Variants in PCDHA2 observed in about 807,000 individuals in gnomAD.
PCDHA2 encodes protocadherin alpha 2, also known as protocadherin alpha-2.
PCDHA2 carries 58 observed loss-of-function variants against 66.0 expected under a neutral mutation model. The observed-to-expected ratio is 0.88, with a 90% CI of 0.71 to 1.09. The LOEUF (loss-of-function observed/expected upper bound fraction) is 1.09, where lower values mean the gene tolerates loss of function less well. Ranked by LOEUF, PCDHA2 falls within the 50% of genes least tolerant of loss-of-function variation. The probability of loss-of-function intolerance (pLI) is 0.00; values close to 1 mark genes in which losing one functional copy is unlikely to be tolerated. For missense variants in PCDHA2, 1,267 were observed against 1,242.3 expected (o/e 1.02, Z -0.30); for synonymous variants, 634 against 554.0 (o/e 1.14, Z -2.03).
intron 1 of PCDHA2, chr5:140,869,202 C>T (rs2050919461): frequency 3.1e-6 from 5 of 1,613,890 alleles, no homozygotes; most frequent in African/African-American, 2.7e-5. Flanking sequence ...AGCTCCACTA[C>T]TCCGTCTCGG....
At chr5:140,903,302 T>C (rs1299735621) in intron 1 of PCDHA2, among the ~76,000 whole-genome samples, 2 of 152,136 alleles carry the variant, frequency 1.3e-5, no homozygotes, top group Admixed American at 6.5e-5. Flanking sequence ...AAATTTAGTA[T>C]ACAATAAAGA....
At chr5:140,812,188 A>G (rs1284856498) in intron 1 of PCDHA2, 2 of 132,336 alleles carry the variant, frequency 1.5e-5, no homozygotes, top group African/African-American at 6.0e-5. Context: ...TACTGATTCA[A>G]TCTCCTTACT....
At chr5:140,900,439 G>A (rs1348507716) in intron 1 of PCDHA2, among the ~76,000 whole-genome samples, 1 of 152,242 alleles carries the variant, frequency 6.6e-6, no homozygotes, top group East Asian at 1.9e-4. Context: ...CACCACGGCC[G>A]GCTAATTTTT....
intron 1 of PCDHA2, chr5:140,869,142 A>G: frequency 6.2e-7 from 1 of 1,613,402 alleles, no homozygotes; most frequent in Non-Finnish European, 8.5e-7. Context: ...GCACCCCACG[A>G]CTACAGCTCT....
At chr5:140,823,457 C>T (rs1181395519) in intron 1 of PCDHA2, 4 of 1,613,302 alleles carry the variant, frequency 2.5e-6, no homozygotes, top group Non-Finnish European at 3.4e-6. Flanking sequence ...AACGACAACG[C>T]GCCGGCGCTG....
At chr5:140,985,096 C>G (rs1486346952) in intron 3 of PCDHA2, among the ~76,000 whole-genome samples, 1 of 152,096 alleles carries the variant, frequency 6.6e-6, no homozygotes, top group Non-Finnish European at 1.5e-5. Context: ...TGCCACCAAG[C>G]CTGGCTAATT....
chr5:140,900,424 C>T (rs557118930), intron 1 of PCDHA2, among the ~76,000 whole-genome samples: 151 of 152,214 alleles, frequency 9.9e-4, no homozygotes, highest in African/African-American at 3.3e-3. Flanking sequence ...ATTATAGGCA[C>T]GTGCCACCAC....
intron 1 of PCDHA2, among the ~76,000 whole-genome samples, chr5:140,831,516 C>T (rs572603415): frequency 1.5e-5 from 2 of 130,466 alleles, no homozygotes; most frequent in African/African-American, 3.2e-5. Context: ...ACCATGCCCC[C>T]CACCTTTTTT....
chr5:140,989,949 G>A (rs551733184), intron 3 of PCDHA2, among the ~76,000 whole-genome samples: 3 of 152,064 alleles, frequency 2.0e-5, no homozygotes, highest in South Asian at 2.1e-4. Context: ...CGTTTTTCTC[G>A]GTGAGACCAA....
Position 140,836,712 on chromosome 5 carries a change from C to T in PCDHA2, c.2388+39360C>T, listed in dbSNP as rs2150268278. On this transcript the variant is annotated intron_variant, in intron 1 of 3. Transcript: ENST00000526136. Reference sequence around the variant, plus strand: ...CCTCATGGCCTTCAGTCCCAGCCTTCCTCAGGGTCCATCCTCTACAGACAA... The same window carrying T: ...CCTCATGGCCTTCAGTCCCAGCCTTTCTCAGGGTCCATCCTCTACAGACAA... 1.9e-6 allele frequency: 3 copies of T among 1,612,872 alleles called. 1 individual carries two copies. In the African/African-American group the frequency reaches 4.0e-5, roughly 22 times the overall value.
At chr5:140,806,918 A>C (rs781836191) in intron 1 of PCDHA2, 2 of 501,988 alleles carry the variant, frequency 4.0e-6, no homozygotes, top group Non-Finnish European at 7.0e-6. Flanking sequence ...TGAAATAATA[A>C]ATAAAACCAA....
chr5:141,004,101 T>C (rs2098153096), intron 3 of PCDHA2, among the ~76,000 whole-genome samples: 1 of 152,220 alleles, frequency 6.6e-6, no homozygotes, highest in Admixed American at 6.5e-5. Flanking sequence ...TCCGTTTTCA[T>C]CTTCTTCAAA....
At chr5:140,872,800 C>T (rs2053907687) in intron 1 of PCDHA2, among the ~76,000 whole-genome samples, 2 of 152,078 alleles carry the variant, frequency 1.3e-5, no homozygotes, top group African/African-American at 4.8e-5. Context: ...TGGCATTCTT[C>T]CATAAGTTTT....
chr5:140,884,577 T>G, intron 1 of PCDHA2: 1 of 1,614,230 alleles, frequency 6.2e-7, no homozygotes, highest in Non-Finnish European at 8.5e-7. Context: ...ACGGACCTCA[T>G]GGCCTTCAGT....
intron 1 of PCDHA2, chr5:140,877,288 T>C (rs782747810): frequency 1.9e-6 from 3 of 1,613,908 alleles, no homozygotes; most frequent in Non-Finnish European, 2.5e-6. Context: ...CTATAACGCT[T>C]GGCTGTCCTA....
chr5:140,827,069 G>A (rs187227575), intron 1 of PCDHA2, among the ~76,000 whole-genome samples: 1 of 152,278 alleles, frequency 6.6e-6, no homozygotes, highest in Non-Finnish European at 1.5e-5. Flanking sequence ...CTCATGCCTT[G>A]CTATTTAACA....
intron 1 of PCDHA2, chr5:140,870,974 G>A: frequency 1.2e-6 from 2 of 1,613,628 alleles, no homozygotes; most frequent in Middle Eastern, 1.7e-4. Flanking sequence ...TTCCGCGTGG[G>A]GCTGTACACG....
chr5:140,847,204 C>G (rs916100190), intron 1 of PCDHA2, among the ~76,000 whole-genome samples: 5 of 149,612 alleles, frequency 3.3e-5, no homozygotes, highest in African/African-American at 1.2e-4. Flanking sequence ...TTTGGCCACT[C>G]TTTAGAATTA....
intron 1 of PCDHA2, chr5:140,859,027 C>T (rs1486669007): frequency 6.6e-6 from 1 of 150,752 alleles, no homozygotes; most frequent in Non-Finnish European, 1.5e-5. Context: ...AAGTTAAATG[C>T]TTTGAACTTT....
Sources: allele counts gnomAD v4.1 joint callset (sites outside exome capture counted in the v4.1 genomes callset), GRCh38; gene constraint gnomAD v4.1.1; transcripts MANE v1.5; gene names NCBI Gene and HGNC (gene_info 2026-07-23, HGNC 2026-07-21).